CD200R1: variants seen among roughly 807,000 people sequenced by gnomAD.
CD200R1 encodes cell surface glycoprotein CD200 receptor 1.
A neutral mutation model predicts 38.1 loss-of-function variants in CD200R1; 30 were observed. The ratio of observed to expected loss-of-function variants is 0.79; its 90% CI spans 0.59 to 1.07. The LOEUF is 1.07. CD200R1 is among the 50% of genes least tolerant of loss of function. The pLI is 0.00. For synonymous variants in CD200R1, 128 were observed against 152.1 expected (o/e 0.84, Z 1.16); for missense variants, 372 against 415.4 (o/e 0.90, Z 0.91).
At chr3:112,956,303 T>C (rs946923349) in intron 1 of CD200R1, among the ~76,000 whole-genome samples, 3 of 152,074 alleles carry the variant, frequency 2.0e-5, no homozygotes, top group Non-Finnish European at 2.9e-5. Context: ...ATACTCTACA[T>C]TGTATTTTTC....
intron 1 of CD200R1, among the ~76,000 whole-genome samples, chr3:112,950,458 A>G (rs1940952057): frequency 6.6e-6 from 1 of 152,068 alleles, no homozygotes; most frequent in African/African-American, 2.4e-5. Flanking sequence ...GAAAAGTATC[A>G]ATATCAACTT....
rs114308398 is a variant in CD200R1, at chr3:112,946,416, C to T, written c.136+1440G>A. Among the ~76,000 whole-genome samples the T allele has an allele frequency of 4.5e-3, 684 of 152,220 alleles. 5 individuals are homozygous for T. The highest frequency in any genetic ancestry group is 0.016 in the African/African-American group (653 of 41,516). On this transcript the variant is annotated intron_variant, in intron 2 of 7. Transcript: ENST00000308611. ...CCAACTGTATTTTCAAAAGACATAT[C>T]CGATAAAAGACTGTTATCCAAAACA...
chr3:112,935,995 A>C (rs1940569184), intron 2 of CD200R1, among the ~76,000 whole-genome samples: 2 of 151,952 alleles, frequency 1.3e-5, no homozygotes, highest in African/African-American at 4.8e-5. Flanking sequence ...TCCACCCTCC[A>C]TATGTCCATG....
intron 1 of CD200R1, among the ~76,000 whole-genome samples, chr3:112,955,593 C>T (rs1941079339): frequency 6.6e-6 from 1 of 151,108 alleles, no homozygotes; most frequent in Non-Finnish European, 1.5e-5. Context: ...ACTGCAACCT[C>T]CACCTCCTGG....
intron 1 of CD200R1, among the ~76,000 whole-genome samples, chr3:112,954,510 C>T (rs1270119150): frequency 6.6e-6 from 1 of 152,096 alleles, no homozygotes; most frequent in Non-Finnish European, 1.5e-5. Flanking sequence ...CTGGGAAGAC[C>T]AAGGCATGAC....
At chr3:112,953,465 C>T (rs1024248036) in intron 1 of CD200R1, among the ~76,000 whole-genome samples, 4 of 152,080 alleles carry the variant, frequency 2.6e-5, no homozygotes, top group South Asian at 2.1e-4. Context: ...ATTCTGGCCT[C>T]GTAAAATGAC....
rs541868020 is a variant in CD200R1, at chr3:112,945,929, A to T, written c.136+1927T>A. On this transcript the variant is annotated intron_variant, in intron 2 of 7. Coordinates refer to ENST00000308611, the MANE Select transcript of CD200R1 (RefSeq NM_138806.4). ...TGTAGTCCCAGCTACTCTACTCCGG[A>T]GGCTGAGGCAGAAGAATGGCGTGAA... Among the ~76,000 whole-genome samples the T allele has an allele frequency of 3.8e-3, 570 of 148,458 alleles. 3 individuals carry two copies. Among genetic ancestry groups the T allele is most frequent in the Middle Eastern group, 0.01 (3 of 290 alleles).
At chr3:112,939,370 A>G (rs1940662111) in intron 2 of CD200R1, among the ~76,000 whole-genome samples, 1 of 151,914 alleles carries the variant, frequency 6.6e-6, no homozygotes, top group Admixed American at 6.6e-5. Context: ...TATCTTATAT[A>G]GAGAAACCCT....
chr3:112,956,148 A>G (rs1314262828), intron 1 of CD200R1, among the ~76,000 whole-genome samples: 3 of 151,928 alleles, frequency 2.0e-5, no homozygotes, highest in South Asian at 2.1e-4. Context: ...TGACTCAAAC[A>G]TTTTGTTGTT....
rs555827266 is a variant in CD200R1, at chr3:112,941,217, G to A, written c.136+6639C>T. ...GCACAAAATTATAGCTAGGTAGGATGAGCAAGTTCTATTGTTTTATAGTAC... is the reference window on the plus strand; with the variant it reads ...GCACAAAATTATAGCTAGGTAGGATAAGCAAGTTCTATTGTTTTATAGTAC... On this transcript the variant is annotated intron_variant, in intron 2 of 7. Coordinates refer to ENST00000308611, the MANE Select transcript of CD200R1 (RefSeq NM_138806.4). Among the ~76,000 whole-genome samples, 4 of 151,702 alleles carry A rather than the reference G, an allele frequency of 2.6e-5. No individual in the cohort carries two copies. The South Asian group carries it at 8.3e-4, about 31-fold the overall frequency.
At chr3:112,930,059 T>C (rs1005788575) in intron 3 of CD200R1, among the ~76,000 whole-genome samples, 1 of 143,390 alleles carries the variant, frequency 7.0e-6, no homozygotes, top group Non-Finnish European at 1.6e-5. Context: ...AGCTAGAAAT[T>C]TTTTTAAGTT....
rs9879005 is a variant in CD200R1 at position 112,922,199 on chromosome 3, T to C, written c.*1478A>G. The stretch of plus-strand genomic sequence containing the variant: ...AGAAAAATATACTTATAAGACAAAA[T>C]AGCTGTCTTAAAAATCTCAGATGGT... On this transcript the variant is annotated 3_prime_UTR_variant, in exon 8 of 8. Coordinates refer to ENST00000308611, the MANE Select transcript of CD200R1 (RefSeq NM_138806.4). 1 of 151,810 alleles carries C rather than the reference T, an allele frequency of 6.6e-6. No individual in the cohort carries two copies. The highest frequency in any genetic ancestry group is 2.4e-5 in the African/African-American group (1 of 41,362). The allele number at this position is 151,810 out of a possible 1,614,324, so 9.4% of individuals were successfully genotyped here. A position where few individuals can be genotyped will look rare whatever the true frequency, so the allele number is the denominator to read the frequency against.
intron 1 of CD200R1, among the ~76,000 whole-genome samples, chr3:112,959,833 A>G (rs932088245): frequency 6.6e-6 from 1 of 152,094 alleles, no homozygotes; most frequent in African/African-American, 2.4e-5. Flanking sequence ...TAAGCATTAA[A>G]CAATTTCTAA....
At chr3:112,940,059 A>C (rs1266628607) in intron 2 of CD200R1, among the ~76,000 whole-genome samples, 1 of 151,866 alleles carries the variant, frequency 6.6e-6, no homozygotes, top group Admixed American at 6.6e-5. Flanking sequence ...TCAAGAACAT[A>C]CATTTGGGAA....
At chr3:112,953,179 T>G (rs984659266) in intron 1 of CD200R1, among the ~76,000 whole-genome samples, 1 of 152,226 alleles carries the variant, frequency 6.6e-6, no homozygotes, top group African/African-American at 2.4e-5. Flanking sequence ...GGATGTTGAA[T>G]TTTTAAAGGC....
At chr3:112,969,858 A>C (rs1933257787) in intron 1 of CD200R1, among the ~76,000 whole-genome samples, 1 of 152,144 alleles carries the variant, frequency 6.6e-6, no homozygotes, top group Non-Finnish European at 1.5e-5. Flanking sequence ...GACATTTTTG[A>C]AGAAAATTAT....
chr3:112,943,554 T>A (rs1940773756), intron 2 of CD200R1, among the ~76,000 whole-genome samples: 1 of 151,546 alleles, frequency 6.6e-6, no homozygotes, highest in Non-Finnish European at 1.5e-5. Flanking sequence ...TCACCCAGAC[T>A]CCAACTTTAC....
chr3:112,935,602 A>G (rs1940555911), intron 2 of CD200R1, among the ~76,000 whole-genome samples: 1 of 152,224 alleles, frequency 6.6e-6, no homozygotes, highest in African/African-American at 2.4e-5. Context: ...AGGCAAATCC[A>G]TAGCAATAAA....
chr3:112,974,624 A>G (rs1933396253), intron 1 of CD200R1, among the ~76,000 whole-genome samples, 167 bp downstream of exon 1: 1 of 152,174 alleles, frequency 6.6e-6, no homozygotes, highest in Admixed American at 6.5e-5. Flanking sequence ...GACACCGGAA[A>G]AAAGGATAAT....
Sources: gnomAD v4.1 joint callset for allele counts (sites outside exome capture counted in the v4.1 genomes callset) on GRCh38, gnomAD v4.1.1 for gene constraint, MANE v1.5 for transcripts, NCBI Gene and HGNC (gene_info 2026-07-23, HGNC 2026-07-21) for gene names.